POMGNT2: variants seen among roughly 807,000 people sequenced by gnomAD.
POMGNT2 encodes the protein protein O-linked mannose N-acetylglucosaminyltransferase 2 (beta 1,4-), also known as protein O-linked-mannose beta-1,4-N-acetylglucosaminyltransferase 2.
POMGNT2 carries 32 observed loss-of-function variants against 37.8 expected under a neutral mutation model. That is an observed-to-expected ratio of 0.85 (90% confidence interval 0.64 to 1.14). The LOEUF (loss-of-function observed/expected upper bound fraction) is 1.14, where lower values mean the gene tolerates loss of function less well. Ranked by LOEUF, POMGNT2 falls within the 50% of genes most tolerant of loss-of-function variation. POMGNT2 has a pLI of 0.00. For missense variants in POMGNT2, 705 were observed against 780.6 expected (o/e 0.90, Z 1.15); for synonymous variants, 340 against 336.8 (o/e 1.01, Z -0.10).
In POMGNT2 at chr3:43,079,694, T is replaced by G. The variant is rs774558057; in HGVS notation, c.1738A>C (p.Thr580Pro). Residue 580 changes from threonine (T) to proline (P), a missense_variant, in exon 2 of 2, where the codon ACG (threonine) becomes CCG (proline). Coordinates refer to ENST00000344697, the MANE Select transcript of POMGNT2 (RefSeq NM_032806.6). ...GPFADVLVCNT is the reference protein window; with the variant it reads ...GPFADVLVCNP ...GCCAGGCTGTGGCCTGCTCGCTACG[T>G]GTTGCACACCAGCACATCTGCAAAG... The G allele has an allele frequency of 6.2e-6, 10 of 1,611,984 alleles. No homozygotes were observed. Among genetic ancestry groups the G allele is most frequent in the Non-Finnish European group, 8.5e-6 (10 of 1,178,788 alleles).
At chr3:43,100,369 G>C (rs1364387506) in intron 1 of POMGNT2, among the ~76,000 whole-genome samples, 1 of 152,172 alleles carries the variant, frequency 6.6e-6, no homozygotes, top group Non-Finnish European at 1.5e-5. Context: ...GTATACAGGA[G>C]GATTGTGTAG....
rs902114255 is a variant in POMGNT2 at position 43,079,441 on chromosome 3, T to C, written c.*248A>G. The C allele has an allele frequency of 6.3e-6, 3 of 474,512 alleles. No individual in the cohort carries two copies. Among genetic ancestry groups the C allele is most frequent in the Admixed American group, 7.7e-5 (2 of 25,952 alleles). The allele number at this position is 474,512 out of a possible 1,614,324, so 29.4% of individuals were successfully genotyped here. On this transcript the variant is annotated 3_prime_UTR_variant, in exon 2 of 2. Coordinates refer to ENST00000344697, the MANE Select transcript of POMGNT2 (RefSeq NM_032806.6). ...TGATTCTTTGCTTCCTCCTCTCCTC[T>C]TCCTCCTCCCTGCTAAGGAACTTCT...
intron 1 of POMGNT2, among the ~76,000 whole-genome samples, chr3:43,091,710 A>C (rs1052212538): frequency 1.3e-5 from 2 of 152,248 alleles, no homozygotes; most frequent in African/African-American, 4.8e-5. Flanking sequence ...CAAGTAATCA[A>C]AATTAACATC....
At position 43,080,201 on chromosome 3, in the gene POMGNT2, G is replaced by A; in HGVS notation, c.1231C>T (p.Gln411Ter). 1 of 1,614,056 alleles carries A rather than the reference G, an allele frequency of 6.2e-7. No individual in the cohort carries two copies. The highest frequency in any genetic ancestry group is 8.5e-7 in the Non-Finnish European group (1 of 1,179,980). The stretch of plus-strand genomic sequence containing the variant: ...CGGTCCAGATGGGTGATGCCCCCCT[G>A]ATCCCAGGGCCGCTCAGGGTGTGTG... Reference protein sequence around the residue: ...TVTHPERPWDQGGITHLDRAE... With the variant: ...TVTHPERPWD The change falls in exon 2 of 2, where the codon CAG becomes TAG. Residue 411 changes from glutamine to a stop codon, truncating the protein, a stop_gained. Coordinates refer to ENST00000344697, the MANE Select transcript of POMGNT2 (RefSeq NM_032806.6). LOFTEE classifies it high-confidence loss of function.
At chr3:43,082,118 C>T (rs182643612) in intron 1 of POMGNT2, among the ~76,000 whole-genome samples, 2 of 152,356 alleles carry the variant, frequency 1.3e-5, no homozygotes, top group Non-Finnish European at 2.9e-5. Context: ...TGAAGCACTG[C>T]TGCAGCAAAA....
chr3:43,096,074 C>A (rs1308742426), intron 1 of POMGNT2, among the ~76,000 whole-genome samples: 2 of 152,216 alleles, frequency 1.3e-5, no homozygotes, highest in Non-Finnish European at 2.9e-5. Context: ...GGGGACCCAA[C>A]AACCTTGATC....
rs1462258894 is a variant in POMGNT2, at chr3:43,094,620, G to A, written c.-106+11216C>T. Among the ~76,000 whole-genome samples, 4 of 152,326 alleles carry A rather than the reference G, an allele frequency of 2.6e-5. No individual in the cohort carries two copies. In the South Asian group the frequency reaches 6.2e-4, roughly 24 times the overall value. ...CTGACACTGTCTGCTTGGTCCTAAT[G>A]TCTGACTGTTCAGGGCAGTCTGTGC... On this transcript the variant is annotated intron_variant, in intron 1 of 1. Coordinates refer to ENST00000344697, the MANE Select transcript of POMGNT2 (RefSeq NM_032806.6).
Position 43,080,409 on chromosome 3 carries a change from C to T in POMGNT2, c.1023G>A (p.Leu341=), listed in dbSNP as rs1207734868. 6.2e-7 allele frequency: 1 copy of T among 1,614,142 alleles called. No homozygotes were observed. The highest frequency in any genetic ancestry group is 2.2e-5 in the East Asian group (1 of 44,874). Residue 341 remains leucine, a synonymous_variant, in exon 2 of 2, where the codon CTG becomes CTA. Coordinates refer to ENST00000344697, the MANE Select transcript of POMGNT2 (RefSeq NM_032806.6). ...CCAGCTGGGCCCCATGCATGCTGAC[C>T]AGCATGGAGGCATTGCTGACCAGCC... ...VVRLVSNASM[L]VSMHGAQLVT...
At chr3:43,081,625 A>G (rs1237389944) in intron 1 of POMGNT2, 89 bp from the exon 2 acceptor site, 1 of 592,954 alleles carries the variant, frequency 1.7e-6, no homozygotes, top group African/African-American at 1.9e-5. Flanking sequence ...CACGGTAGCT[A>G]GGCTCTGTGT....
chr3:43,099,669 C>T (rs2090003598), intron 1 of POMGNT2, among the ~76,000 whole-genome samples: 3 of 152,078 alleles, frequency 2.0e-5, no homozygotes, highest in Admixed American at 6.5e-5. Context: ...CAGTAGAGCC[C>T]TATGGGCTCA....
chr3:43,085,726 T>C (rs548773104), intron 1 of POMGNT2, among the ~76,000 whole-genome samples: 96 of 152,090 alleles, frequency 6.3e-4, no homozygotes, highest in Admixed American at 1.0e-3. Flanking sequence ...GAGGAGGAAA[T>C]TTTCCCTGGT....
chr3:43,105,164 C>T (rs1043990733), intron 1 of POMGNT2, among the ~76,000 whole-genome samples: 2 of 152,202 alleles, frequency 1.3e-5, no homozygotes, highest in South Asian at 2.1e-4. Context: ...TCTGGCCTGA[C>T]GGTCACATAC....
In POMGNT2 at chr3:43,080,751, C is replaced by A. The variant is rs371425376; in HGVS notation, c.681G>T (p.Leu227=). ...RAQLKTLGRL[L]CFSHAFVGLS... is the part of the protein sequence containing the mutation. ...GGCCCACAAAAGCATGGGAGAAGCA[C>A]AGCAGCCGGCCCAGGGTCTTCAGCT... Residue 227 remains leucine (L), a synonymous_variant, in exon 2 of 2, where the codon CTG becomes CTT. Transcript: ENST00000344697. 1.2e-6 allele frequency: 2 copies of A among 1,614,076 alleles called. No individual in the cohort carries two copies. Among genetic ancestry groups the A allele is most frequent in the Non-Finnish European group, 8.5e-7 (1 of 1,180,032 alleles).
rs192576756 is a variant in POMGNT2, at chr3:43,100,750, C to T, written c.-106+5086G>A. Among the ~76,000 whole-genome samples the T allele has an allele frequency of 3.9e-5, 6 of 152,278 alleles. No individual in the cohort carries two copies. In the East Asian group the frequency reaches 1.2e-3, roughly 29 times the overall value. Reference sequence around the variant, plus strand: ...TCTAGTCCCTTCCGATCTGGGGTAGCTTCTCAGTCTATCTTCAACTTATGA... The same window carrying T: ...TCTAGTCCCTTCCGATCTGGGGTAGTTTCTCAGTCTATCTTCAACTTATGA... On this transcript the variant is annotated intron_variant, in intron 1 of 1. Transcript: ENST00000344697.
intron 1 of POMGNT2, among the ~76,000 whole-genome samples, chr3:43,103,382 C>T (rs2090033544): frequency 6.6e-6 from 1 of 152,128 alleles, no homozygotes. Flanking sequence ...TAAACGAAGG[C>T]ATTTCTTCTC....
At chr3:43,090,077 C>T (rs1575468637) in intron 1 of POMGNT2, among the ~76,000 whole-genome samples, 2 of 152,220 alleles carry the variant, frequency 1.3e-5, no homozygotes, top group South Asian at 4.2e-4. Flanking sequence ...CCTAGAAATC[C>T]TGCAGCTGAG....
At chr3:43,089,723 G>A (rs536232844) in intron 1 of POMGNT2, among the ~76,000 whole-genome samples, 1 of 152,184 alleles carries the variant, frequency 6.6e-6, no homozygotes, top group African/African-American at 2.4e-5. Context: ...ATGGCAATTC[G>A]AGTCCCAAAG....
chr3:43,093,826 CCATT>C (rs1247557402), intron 1 of POMGNT2, among the ~76,000 whole-genome samples: 1 of 152,128 alleles, frequency 6.6e-6, no homozygotes, highest in Non-Finnish European at 1.5e-5. Flanking sequence ...TTCTCACTCC[CCATT>C]CATGTTTACA....
intron 1 of POMGNT2, among the ~76,000 whole-genome samples, chr3:43,102,563 T>C (rs555780552): frequency 2.9e-4 from 44 of 152,356 alleles, no homozygotes; most frequent in Admixed American, 8.5e-4. Flanking sequence ...CTCACCATCT[T>C]ACTTTACTGA....
Sources: allele counts gnomAD v4.1 joint callset (sites outside exome capture counted in the v4.1 genomes callset), GRCh38; gene constraint gnomAD v4.1.1; transcripts MANE v1.5; gene names NCBI Gene and HGNC (gene_info 2026-07-23, HGNC 2026-07-21).